Variants in SLC25A48 observed in about 807,000 individuals in gnomAD.
SLC25A48 encodes CTC-321K16.1.
In SLC25A48, 29 loss-of-function variants were observed where a neutral mutation model predicts 32.2. The ratio of observed to expected loss-of-function variants is 0.90; its 90% CI spans 0.67 to 1.23. The LOEUF (loss-of-function observed/expected upper bound fraction) is 1.23, where lower values mean the gene tolerates loss of function less well. Ranked by LOEUF, SLC25A48 falls within the 50% of genes most tolerant of loss-of-function variation. The pLI is 0.00. For synonymous variants in SLC25A48, 164 were observed against 172.3 expected, an observed-to-expected ratio of 0.95 and a Z score of 0.38; for missense variants, 399 against 422.7, an observed-to-expected ratio of 0.94 and a Z score of 0.49.
intron 3 of SLC25A48, among the ~76,000 whole-genome samples, chr5:135,793,463 A>G (rs956198946): frequency 2.0e-5 from 3 of 151,866 alleles, no homozygotes; most frequent in African/African-American, 4.8e-5. Flanking sequence ...TATCCATAAC[A>G]TCCTGAGAGA....
At chr5:135,840,417 G>A (rs920269940) in intron 1 of SLC25A48, among the ~76,000 whole-genome samples, 6 of 152,216 alleles carry the variant, frequency 3.9e-5, no homozygotes, top group Non-Finnish European at 8.8e-5. Flanking sequence ...CGCTTTTTGA[G>A]CTGAAATTAA....
At chr5:135,657,679 G>T (rs1056717142) in intron 3 of SLC25A48, among the ~76,000 whole-genome samples, 2 of 152,202 alleles carry the variant, frequency 1.3e-5, no homozygotes, top group African/African-American at 4.8e-5. Context: ...AAGAGCTACT[G>T]ACTGTGTGTA....
intron 7 of SLC25A48, among the ~76,000 whole-genome samples, chr5:135,885,075 T>C (rs1327847111): frequency 6.6e-6 from 1 of 152,084 alleles, no homozygotes; most frequent in African/African-American, 2.4e-5. Context: ...CAGCCCAGGG[T>C]ACATCGCCAG....
intron 3 of SLC25A48, among the ~76,000 whole-genome samples, chr5:135,660,720 A>G (rs1753376419): frequency 6.7e-6 from 1 of 149,852 alleles, no homozygotes; most frequent in African/African-American, 2.5e-5. Context: ...AGATCTAAGT[A>G]TGAAGAACAG....
At chr5:135,823,781 G>A (rs1013488459) in intron 4 of SLC25A48, among the ~76,000 whole-genome samples, 3 of 152,172 alleles carry the variant, frequency 2.0e-5, no homozygotes, top group East Asian at 3.9e-4. Context: ...TTAACCAAGC[G>A]CTGAGGAAGT....
chr5:135,668,056 T>G (rs188458483), intron 3 of SLC25A48, among the ~76,000 whole-genome samples: 2 of 152,072 alleles, frequency 1.3e-5, no homozygotes, highest in African/African-American at 2.4e-5. Context: ...AGTGCAAGAG[T>G]CCAGTGGAAG....
At chr5:135,771,023 A>G (rs1320512481) in intron 3 of SLC25A48, among the ~76,000 whole-genome samples, 2 of 151,800 alleles carry the variant, frequency 1.3e-5, no homozygotes, top group African/African-American at 2.4e-5. Context: ...TATTGCAGAC[A>G]GAGTAAATAC....
Position 135,776,195 on chromosome 5 carries a change from C to G in SLC25A48, c.-520-36328C>G, listed in dbSNP as rs114740463. 2.7e-5 allele frequency among the ~76,000 whole-genome samples: 4 copies of G among 148,826 alleles called. No individual in the cohort carries two copies. The Admixed American group carries it at 2.8e-4, about 10-fold the overall frequency. On this transcript the variant is annotated intron_variant, in intron 3 of 10. Transcript: ENST00000646290. ...TATAATATTGATTGTAATATCCAAG[C>G]GAGTGATGATGATATTACTGTCAAT...
At chr5:135,873,033 C>T (rs533903289) in intron 5 of SLC25A48, among the ~76,000 whole-genome samples, 9 of 152,218 alleles carry the variant, frequency 5.9e-5, no homozygotes, top group African/African-American at 1.9e-4. Context: ...AGGCAAATCC[C>T]GTTTTGTGAT....
intron 1 of SLC25A48, among the ~76,000 whole-genome samples, chr5:135,585,397 C>A (rs562494691): frequency 1.3e-5 from 2 of 152,310 alleles, no homozygotes; most frequent in African/African-American, 4.8e-5. Context: ...CACACATCTG[C>A]CTGACTCCCG....
At chr5:135,768,846 C>A (rs1437345610) in intron 3 of SLC25A48, among the ~76,000 whole-genome samples, 1 of 151,694 alleles carries the variant, frequency 6.6e-6, no homozygotes, top group Non-Finnish European at 1.5e-5. Flanking sequence ...ATTGTAAACA[C>A]CCTTTGTGTA....
At chr5:135,659,723 G>A (rs116056548) in intron 3 of SLC25A48, among the ~76,000 whole-genome samples, 3,713 of 152,300 alleles carry the variant, frequency 0.024, 64 homozygotes, top group Non-Finnish European at 0.037. Context: ...AAGCATGCCT[G>A]GGGAAGCCTC....
chr5:135,776,613 A>G (rs1303870674), intron 3 of SLC25A48, among the ~76,000 whole-genome samples: 3 of 151,772 alleles, frequency 2.0e-5, no homozygotes, highest in Non-Finnish European at 4.4e-5. Context: ...CTAATATCGC[A>G]GGGGATATAC....
chr5:135,888,405 C>T lies in SLC25A48; in HGVS notation c.*381C>T. On this transcript the variant is annotated 3_prime_UTR_variant, in exon 8 of 8. Transcript: ENST00000681962. Reference sequence around the variant, plus strand: ...GGCCAGTGAGCTCTGGGCTCAGCCACTCCCTCCAGTCTCAAGTAACACGTC... The same window carrying T: ...GGCCAGTGAGCTCTGGGCTCAGCCATTCCCTCCAGTCTCAAGTAACACGTC... 1 of 265,950 alleles carries T rather than the reference C, an allele frequency of 3.8e-6. No individual in the cohort carries two copies. The allele number at this position is 265,950 out of a possible 1,614,324, so 16.5% of individuals were successfully genotyped here. A position where few individuals can be genotyped will look rare whatever the true frequency, so the allele number is the denominator to read the frequency against.
At chr5:135,592,771 T>C (rs1170074200) in intron 1 of SLC25A48, among the ~76,000 whole-genome samples, 1 of 151,994 alleles carries the variant, frequency 6.6e-6, no homozygotes, top group Non-Finnish European at 1.5e-5. Flanking sequence ...GCTGGGAACT[T>C]TGGGGAGAGC....
chr5:135,688,484 T>C (rs1436590432), intron 3 of SLC25A48, among the ~76,000 whole-genome samples: 1 of 152,188 alleles, frequency 6.6e-6, no homozygotes, highest in African/African-American at 2.4e-5. Flanking sequence ...ACTGAAGAAG[T>C]CATAGAATGA....
chr5:135,650,187 G>T (rs1753073133), intron 3 of SLC25A48: 2 of 232,782 alleles, frequency 8.6e-6, no homozygotes, highest in African/African-American at 4.8e-5. Flanking sequence ...GTGAAGCCTT[G>T]TCCAACCTCA....
chr5:135,727,584 T>C (rs533556588), intron 3 of SLC25A48, among the ~76,000 whole-genome samples: 9 of 152,198 alleles, frequency 5.9e-5, no homozygotes, highest in Admixed American at 1.3e-4. Flanking sequence ...AATTTACATA[T>C]AAAGAGTGAG....
At chr5:135,790,082 T>G (rs1255626843) in intron 3 of SLC25A48, among the ~76,000 whole-genome samples, 1 of 151,724 alleles carries the variant, frequency 6.6e-6, no homozygotes, top group Non-Finnish European at 1.5e-5. Flanking sequence ...ACGTGTGATA[T>G]TAGGAGTAAC....
Sources: allele counts gnomAD v4.1 joint callset (sites outside exome capture counted in the v4.1 genomes callset), GRCh38; gene constraint gnomAD v4.1.1; transcripts MANE v1.5; gene names NCBI Gene and HGNC (gene_info 2026-07-23, HGNC 2026-07-21).